Variants in TBC1D23 observed in about 807,000 individuals in gnomAD.
TBC1D23 encodes the protein HCV non-structural protein 4A-transactivated protein 1.
In TBC1D23, 55 loss-of-function variants were observed where a neutral mutation model predicts 91.4. The ratio of observed to expected loss-of-function variants is 0.60; its 90% CI spans 0.48 to 0.75. The LOEUF is 0.75. TBC1D23 is among the 30% of genes least tolerant of loss of function. The pLI, the probability that TBC1D23 is intolerant of heterozygous loss-of-function variation, is 0.00. For synonymous variants in TBC1D23, 289 were observed against 281.0 expected (o/e 1.03, Z -0.28); for missense variants, 725 against 836.1 (o/e 0.87, Z 1.64).
intron 15 of TBC1D23, 75 bp downstream of exon 15, chr3:100,311,952 A>C (rs1456635523): frequency 9.9e-7 from 1 of 1,006,782 alleles, no homozygotes; most frequent in East Asian, 2.6e-5. Context: ...TATAAGCCTC[A>C]TGCTGTCTTG....
Position 100,290,636 on chromosome 3 carries a change from G to C in TBC1D23, c.535G>C (p.Glu179Gln), listed in dbSNP as rs774684730. The C allele has an allele frequency of 6.2e-7, 1 of 1,613,544 alleles. No homozygotes were observed. Among genetic ancestry groups the C allele is most frequent in the South Asian group, 1.1e-5 (1 of 91,074 alleles). ...CTTCAGGTTGCTCATCCAATACCAT[G>C]AGCCTGAGCTTTGTTCTTATCTTGA... is the stretch of plus-strand genomic sequence containing the variant. Reference protein sequence around the residue: ...HLFRLLIQYHEPELCSYLDTK... With the variant: ...HLFRLLIQYHQPELCSYLDTK... Residue 179 changes from glutamate (E) to glutamine (Q), a missense_variant, in exon 5 of 19, where the codon GAG becomes CAG. Coordinates refer to ENST00000394144, the MANE Select transcript of TBC1D23 (RefSeq NM_001199198.3).
At chr3:100,272,097 T>C (rs1293259811) in intron 1 of TBC1D23, among the ~76,000 whole-genome samples, 7 of 152,222 alleles carry the variant, frequency 4.6e-5, no homozygotes, top group Non-Finnish European at 1.0e-4. Context: ...CACTCAAAAA[T>C]TGAGCCACAT....
rs1022189990 is a variant in TBC1D23, at chr3:100,296,717, G to A, written c.876+442G>A. Among the ~76,000 whole-genome samples, 8 of 151,990 alleles carry A rather than the reference G, an allele frequency of 5.3e-5. No homozygotes were observed. In the East Asian group the frequency reaches 1.2e-3, roughly 22 times the overall value. On this transcript the variant is annotated intron_variant, in intron 8 of 18. Transcript: ENST00000394144. ...TACTAAGAAATACAAAAAATTAGCC[G>A]GGCGTGGTGGTGGGCGCCTGTAGTC...
Position 100,261,060 on chromosome 3 carries a change from C to A in TBC1D23, c.42C>A (p.Ser14Arg). The change falls in exon 1 of 19, where the codon AGC (serine) becomes AGA (arginine). Residue 14 changes from serine to arginine, a missense_variant. Ser to Arg is a moderately radical substitution (Grantham distance 110, BLOSUM62 -1). Transcript: ENST00000394144. ...ATGTGCCGCCGCTGCCAACGTCGAG[C>A]GGCGACGGCTGGTGAGTGAAAGCCG... is the stretch of plus-strand genomic sequence containing the variant. ...GEDVPPLPTS[S>R]GDGWEKDLEE... 3 of 1,613,778 alleles carry A rather than the reference C, an allele frequency of 1.9e-6. No individual in the cohort carries two copies. Among genetic ancestry groups the A allele is most frequent in the Non-Finnish European group, 2.5e-6 (3 of 1,179,660 alleles).
At chr3:100,275,670 T>A in intron 1 of TBC1D23, among the ~76,000 whole-genome samples, 1 of 152,210 alleles carries the variant, frequency 6.6e-6, no homozygotes. Context: ...GAACAAATAA[T>A]ATATATGTAT....
At chr3:100,291,113 A>C (rs1408436980) in intron 5 of TBC1D23, among the ~76,000 whole-genome samples, 15 of 152,202 alleles carry the variant, frequency 9.9e-5, no homozygotes, top group Admixed American at 9.8e-4. Context: ...AAATGACTTA[A>C]GGTTATCAAA....
intron 1 of TBC1D23, among the ~76,000 whole-genome samples, chr3:100,268,026 G>T (rs1249992132): frequency 1.3e-5 from 2 of 151,996 alleles, no homozygotes; most frequent in Admixed American, 1.3e-4. Flanking sequence ...AAAAAAATTA[G>T]CCAGACTTGG....
At chr3:100,285,995 AG>A (rs2067738977) in intron 4 of TBC1D23, among the ~76,000 whole-genome samples, 1 of 152,096 alleles carries the variant, frequency 6.6e-6, no homozygotes, top group Non-Finnish European at 1.5e-5. Flanking sequence ...TTCAGATATA[AG>A]TGGACTGCAA....
At chr3:100,265,850 A>G (rs1025727836) in intron 1 of TBC1D23, among the ~76,000 whole-genome samples, 1 of 152,202 alleles carries the variant, frequency 6.6e-6, no homozygotes, top group Non-Finnish European at 1.5e-5. Context: ...AGATGTGAGT[A>G]GGAATTGTTT....
chr3:100,323,698 A>G lies in TBC1D23; in HGVS notation c.*30A>G. 8.3e-7 allele frequency: 1 copy of G among 1,204,242 alleles called. No individual in the cohort carries two copies. Among genetic ancestry groups the G allele is most frequent in the Non-Finnish European group, 1.1e-6 (1 of 888,514 alleles). The allele number at this position is 1,204,242 out of a possible 1,614,324, so 74.6% of individuals were successfully genotyped here. A position where few individuals can be genotyped will look rare whatever the true frequency, so the allele number is the denominator to read the frequency against. ...AAAGAAAATTATATAAAAAGAAATTAAGACAACCAAGAGAAACATGGACAT... is the reference window on the plus strand; with the variant it reads ...AAAGAAAATTATATAAAAAGAAATTGAGACAACCAAGAGAAACATGGACAT... On this transcript the variant is annotated 3_prime_UTR_variant, in exon 19 of 19. Coordinates refer to ENST00000394144, the MANE Select transcript of TBC1D23 (RefSeq NM_001199198.3).
rs757313149 is a variant in TBC1D23, at chr3:100,283,830, A to T, written c.476+19A>T. 1.1e-5 allele frequency: 17 copies of T among 1,546,188 alleles called. No individual in the cohort carries two copies. The highest frequency in any genetic ancestry group is 1.4e-5 in the Non-Finnish European group (16 of 1,120,490). On this transcript the variant is annotated intron_variant, in intron 4 of 18. Transcript: ENST00000394144. ...TTCCCAGGTAAAATATGATTCAGTTATTGTAGTTTTTAAAAGTGAATACAG... is the reference window on the plus strand; with the variant it reads ...TTCCCAGGTAAAATATGATTCAGTTTTTGTAGTTTTTAAAAGTGAATACAG...
intron 1 of TBC1D23, among the ~76,000 whole-genome samples, chr3:100,265,776 TAA>T (rs1041838593): frequency 1.3e-5 from 2 of 152,198 alleles, no homozygotes; most frequent in African/African-American, 4.8e-5. Flanking sequence ...AAGTTATTGC[TAA>T]ACTTTTCTTA....
At chr3:100,288,690 T>C (rs1298592157) in intron 4 of TBC1D23, among the ~76,000 whole-genome samples, 2 of 152,248 alleles carry the variant, frequency 1.3e-5, no homozygotes, top group African/African-American at 4.8e-5. Flanking sequence ...TTTTTGCTGA[T>C]TCATTAGATA....
chr3:100,296,526 C>T (rs998293426), intron 8 of TBC1D23, among the ~76,000 whole-genome samples: 2 of 151,962 alleles, frequency 1.3e-5, no homozygotes, highest in Non-Finnish European at 2.9e-5. Context: ...AGAAAATTGA[C>T]TGAGATATTT....
chr3:100,280,467 T>A (rs1269266924), intron 2 of TBC1D23, among the ~76,000 whole-genome samples: 1 of 152,216 alleles, frequency 6.6e-6, no homozygotes. Context: ...TAAGGCATTG[T>A]TATGATTACA....
chr3:100,293,422 T>C (rs1457038713), intron 5 of TBC1D23, among the ~76,000 whole-genome samples: 1 of 152,228 alleles, frequency 6.6e-6, no homozygotes, highest in Non-Finnish European at 1.5e-5. Flanking sequence ...CGTGAGCCAC[T>C]GTGCCTGGCC....
chr3:100,290,525 T>G, intron 4 of TBC1D23, 53 bp from the exon 5 acceptor site: 1 of 1,559,552 alleles, frequency 6.4e-7, no homozygotes, highest in Non-Finnish European at 8.8e-7. Context: ...GTTACTGATG[T>G]GATTATTTCT....
intron 1 of TBC1D23, among the ~76,000 whole-genome samples, chr3:100,262,317 A>G (rs940460684): frequency 6.6e-6 from 1 of 152,222 alleles, no homozygotes; most frequent in African/African-American, 2.4e-5. Flanking sequence ...GGAAAGCTTC[A>G]TGAAAGCAGC....
chr3:100,313,065 CT>C (rs1235780715), intron 15 of TBC1D23, among the ~76,000 whole-genome samples: 1 of 151,814 alleles, frequency 6.6e-6, no homozygotes, highest in Non-Finnish European at 1.5e-5. Flanking sequence ...AATAACTTAT[CT>C]TCTAAGAGTT....
Sources: allele counts gnomAD v4.1 joint callset (sites outside exome capture counted in the v4.1 genomes callset), GRCh38; gene constraint gnomAD v4.1.1; transcripts MANE v1.5; gene names NCBI Gene and HGNC (gene_info 2026-07-23, HGNC 2026-07-21).